Variants in PEX14 observed in about 807,000 individuals in gnomAD.
PEX14 encodes peroxisomal biogenesis factor 14.
Under a neutral mutation model 49.5 loss-of-function variants are expected in PEX14, and 15 were observed. The observed-to-expected ratio is 0.30, with a 90% CI of 0.20 to 0.47. The LOEUF is 0.47. Ranked by LOEUF, PEX14 falls within the 20% of genes least tolerant of loss-of-function variation. The pLI is 1.00. For missense variants in PEX14, 398 were observed against 494.8 expected, an observed-to-expected ratio of 0.80 and a Z score of 1.86; for synonymous variants, 210 against 212.7, an observed-to-expected ratio of 0.99 and a Z score of 0.11.
In PEX14 at chr1:10,529,378, C is replaced by T. The variant is rs939446734; in HGVS notation, c.85-6835C>T. On this transcript the variant is annotated intron_variant, in intron 2 of 8. Coordinates refer to ENST00000356607, the MANE Select transcript of PEX14 (RefSeq NM_004565.3). The surrounding 1 kb of genome is among the most constrained non-coding windows in gnomAD (Gnocchi z 4.2). ...GCTGGAAGTTGGCACCCAGAGTCCTCGGCTGGACACGGACACCTCTCCAAA... is the reference window on the plus strand; with the variant it reads ...GCTGGAAGTTGGCACCCAGAGTCCTTGGCTGGACACGGACACCTCTCCAAA... 5.3e-5 allele frequency among the ~76,000 whole-genome samples: 8 copies of T among 152,222 alleles called. No individual in the cohort carries two copies. The East Asian group carries it at 7.7e-4, about 15-fold the overall frequency.
intron 4 of PEX14, among the ~76,000 whole-genome samples, chr1:10,610,775 G>GA: frequency 6.6e-6 from 1 of 152,324 alleles, no homozygotes; most frequent in African/African-American, 2.4e-5. Flanking sequence ...TTACAGGCAT[G>GA]AGCCACTGCC....
At chr1:10,492,483 G>GTACC (rs1641489296) in intron 1 of PEX14, among the ~76,000 whole-genome samples, 1 of 152,204 alleles carries the variant, frequency 6.6e-6, no homozygotes, top group Non-Finnish European at 1.5e-5. Context: ...AATCCCTGTA[G>GTACC]TACCAGTTAC....
chr1:10,571,411 G>A (rs1374114229), intron 3 of PEX14, among the ~76,000 whole-genome samples: 1 of 152,010 alleles, frequency 6.6e-6, no homozygotes, highest in Non-Finnish European at 1.5e-5. Context: ...GTTTATGATG[G>A]GTACAGAGTT....
At chr1:10,585,678 G>A (rs1557859488) in intron 3 of PEX14, among the ~76,000 whole-genome samples, 1 of 152,236 alleles carries the variant, frequency 6.6e-6, no homozygotes, top group Non-Finnish European at 1.5e-5. Context: ...CCAGCACTTC[G>A]GGAGGCCGAG....
At chr1:10,535,903 C>T (rs1638788106) in intron 2 of PEX14, 2 of 390,344 alleles carry the variant, frequency 5.1e-6, no homozygotes, top group Admixed American at 3.6e-5. Context: ...GTGCGCATGG[C>T]CACACCTGCC....
intron 7 of PEX14, 28 bp downstream of exon 7, chr1:10,624,465 C>T (rs1641688483): frequency 2.1e-6 from 3 of 1,438,066 alleles, no homozygotes; most frequent in Non-Finnish European, 2.0e-6. Context: ...ACAGGGCCCT[C>T]CAGGCCCAGG....
chr1:10,489,169 C>T (rs992132229), intron 1 of PEX14, among the ~76,000 whole-genome samples: 7 of 151,672 alleles, frequency 4.6e-5, no homozygotes, highest in African/African-American at 1.2e-4. Context: ...TTAGTAGAGA[C>T]GGGGTTTCTC....
intron 3 of PEX14, among the ~76,000 whole-genome samples, chr1:10,570,735 G>T (rs1021845724): frequency 6.6e-6 from 1 of 151,998 alleles, no homozygotes; most frequent in South Asian, 2.1e-4. Context: ...TGGAGCATCT[G>T]TGGGCATGAG....
intron 2 of PEX14, among the ~76,000 whole-genome samples, chr1:10,503,603 C>T (rs1641726682): frequency 6.6e-6 from 1 of 150,934 alleles, no homozygotes; most frequent in African/African-American, 2.4e-5. Flanking sequence ...TAAGTGTGAT[C>T]TAAAGCATAG....
chr1:10,614,402 G>A (rs1001772169), intron 4 of PEX14, among the ~76,000 whole-genome samples: 1 of 152,130 alleles, frequency 6.6e-6, no homozygotes, highest in South Asian at 2.1e-4. Context: ...AATGAGGAGC[G>A]GTGAGGGGTG....
intron 3 of PEX14, among the ~76,000 whole-genome samples, chr1:10,542,392 A>G (rs1639042240): frequency 6.6e-6 from 1 of 152,222 alleles, no homozygotes; most frequent in Non-Finnish European, 1.5e-5. Flanking sequence ...GTCATTCCAC[A>G]TCGATACATA....
intron 3 of PEX14, among the ~76,000 whole-genome samples, chr1:10,537,199 G>T (rs1638831678): frequency 1.3e-5 from 2 of 151,840 alleles, no homozygotes; most frequent in South Asian, 4.2e-4. Flanking sequence ...CATGTCCCGG[G>T]GCTGCACTAA....
At chr1:10,558,067 T>C (rs1219638745) in intron 3 of PEX14, among the ~76,000 whole-genome samples, 1 of 152,234 alleles carries the variant, frequency 6.6e-6, no homozygotes, top group Non-Finnish European at 1.5e-5. Flanking sequence ...CATTCATTGC[T>C]GTACTTGTCT....
Position 10,629,860 on chromosome 1 carries a change from A to T in PEX14, c.1007A>T (p.His336Leu). 6.2e-7 allele frequency: 1 copy of T among 1,611,698 alleles called. No individual in the cohort carries two copies. Among genetic ancestry groups the T allele is most frequent in the Non-Finnish European group, 8.5e-7 (1 of 1,178,434 alleles). The change falls in exon 9 of 9, where the codon CAT becomes CTT. Residue 336 changes from histidine (H) to leucine (L), a missense_variant. Physicochemically the swap from His to Leu is moderately conservative, Grantham distance 99. This residue lies in a region of PEX14 where 140 missense variants were observed against 155.5 expected (regional missense o/e 0.90). Coordinates refer to ENST00000356607, the MANE Select transcript of PEX14 (RefSeq NM_004565.3). This position sits in a 1 kb window ranked among gnomAD's most constrained non-coding sequence, Gnocchi z 8.5. ...EEDEEDDDVS[H>L]VDEEDCLGVQ... ...GATGAGGAGGATGATGATGTGAGCC[A>T]TGTGGACGAGGAGGACTGCCTGGGG...
intron 2 of PEX14, among the ~76,000 whole-genome samples, chr1:10,516,397 C>T (rs1381121321): frequency 6.6e-6 from 1 of 152,210 alleles, no homozygotes; most frequent in Admixed American, 6.5e-5. Context: ...ACTGGGTTTG[C>T]TGTGGGACCC....
At chr1:10,618,683 T>C (rs887161680) in intron 5 of PEX14, among the ~76,000 whole-genome samples, 7 of 152,346 alleles carry the variant, frequency 4.6e-5, no homozygotes, top group Admixed American at 3.9e-4. Flanking sequence ...TCGTGAGGTC[T>C]GTCCCTTGCC....
At chr1:10,538,751 G>A (rs1239102023) in intron 3 of PEX14, among the ~76,000 whole-genome samples, 2 of 152,230 alleles carry the variant, frequency 1.3e-5, no homozygotes, top group Admixed American at 6.5e-5. Flanking sequence ...TGGCAGGAAA[G>A]CAAATTGGCT....
At chr1:10,522,640 G>A (rs1195314302) in intron 2 of PEX14, among the ~76,000 whole-genome samples, 1 of 152,218 alleles carries the variant, frequency 6.6e-6, no homozygotes. Flanking sequence ...GTGAGGACCT[G>A]TGAATGCTCA....
intron 4 of PEX14, among the ~76,000 whole-genome samples, chr1:10,605,654 G>A (rs1264431137): frequency 6.6e-6 from 1 of 152,180 alleles, no homozygotes; most frequent in African/African-American, 2.4e-5. Context: ...GGGTGGCCTC[G>A]GGGTTCCCGT....
Sources: gnomAD v4.1 joint callset for allele counts (sites outside exome capture counted in the v4.1 genomes callset) on GRCh38, gnomAD v4.1.1 for gene constraint, gnomAD v4.1.1 regional missense constraint, Gnocchi (gnomAD v3.1) non-coding constraint, MANE v1.5 for transcripts, NCBI Gene and HGNC (gene_info 2026-07-23, HGNC 2026-07-21) for gene names.